The following LRBA variants were observed in gnomAD, a reference collection of about 807,000 sequenced individuals.
The protein encoded by LRBA is lipopolysaccharide-responsive and beige-like anchor protein.
A neutral mutation model predicts 330.0 loss-of-function variants in LRBA; 176 were observed. The ratio of observed to expected loss-of-function variants is 0.53; its 90% CI spans 0.47 to 0.60. The LOEUF (loss-of-function observed/expected upper bound fraction) is 0.60, where lower values mean the gene tolerates loss of function less well. Ranked by LOEUF, LRBA falls within the 20% of genes least tolerant of loss-of-function variation. LRBA has a pLI of 0.00. For missense variants in LRBA, 3,259 were observed against 3,444.8 expected (o/e 0.95, Z 1.35); for synonymous variants, 1,230 against 1,193.0 (o/e 1.03, Z -0.64).
chr4:150,899,835 T>C (rs1730527059), intron 14 of LRBA, among the ~76,000 whole-genome samples: 1 of 152,096 alleles, frequency 6.6e-6, no homozygotes, highest in African/African-American at 2.4e-5. Flanking sequence ...CCAGCACAAG[T>C]AGTATTCTTC....
At chr4:150,979,588 C>T (rs1193190575) in intron 2 of LRBA, among the ~76,000 whole-genome samples, 2 of 151,986 alleles carry the variant, frequency 1.3e-5, no homozygotes, top group African/African-American at 2.4e-5. Context: ...ACAGAAACAA[C>T]AAAAAGTTAA....
intron 36 of LRBA, among the ~76,000 whole-genome samples, chr4:150,718,852 G>C (rs756187706): frequency 1.3e-5 from 2 of 152,022 alleles, no homozygotes; most frequent in African/African-American, 4.8e-5. Flanking sequence ...CTATTCACAC[G>C]GTCTTTAGAA....
At chr4:150,326,700 C>T (rs1733312336) in intron 48 of LRBA, among the ~76,000 whole-genome samples, 1 of 152,134 alleles carries the variant, frequency 6.6e-6, no homozygotes, top group African/African-American at 2.4e-5. Flanking sequence ...AATACAAAAG[C>T]CATGAAAGCA....
chr4:150,599,917 C>T (rs1458278747), intron 37 of LRBA, among the ~76,000 whole-genome samples: 1 of 152,016 alleles, frequency 6.6e-6, no homozygotes, highest in Non-Finnish European at 1.5e-5. Context: ...TAATTAAAAA[C>T]TACATGCTAT....
chr4:150,426,747 A>G (rs1384829288), intron 46 of LRBA, among the ~76,000 whole-genome samples: 1 of 151,936 alleles, frequency 6.6e-6, no homozygotes, highest in East Asian at 1.9e-4. Context: ...TCAAAAATAT[A>G]TATGCCCACA....
At chr4:150,578,248 G>A (rs948890549) in intron 40 of LRBA, among the ~76,000 whole-genome samples, 1 of 152,108 alleles carries the variant, frequency 6.6e-6, no homozygotes, top group East Asian at 1.9e-4. Flanking sequence ...ATAAAACATT[G>A]TAAGGTTAGC....
At position 150,828,925 on chromosome 4, in the gene LRBA, GT is replaced by G. The variant is rs1560878380; in HGVS notation, c.4730-305del. ...AAAGTCTATAATCTTTTTTGGGGGTGTGTGTGTGTGTGTGTGTGTGTGTGTG... is the reference window on the plus strand; with the variant it reads ...AAAGTCTATAATCTTTTTTGGGGGTGGTGTGTGTGTGTGTGTGTGTGTGTG... On this transcript the variant is annotated intron_variant, in intron 29 of 56. Coordinates refer to ENST00000651943, the MANE Select transcript of LRBA (RefSeq NM_001364905.1). 6.8e-3 allele frequency among the ~76,000 whole-genome samples: 730 copies of G among 107,978 alleles called. 2 individuals are homozygous for G. The highest frequency in any genetic ancestry group is 0.022 in the African/African-American group (421 of 19,234). The allele number at this position is 107,978 out of a possible 152,430, so 70.8% of individuals were successfully genotyped here.
chr4:150,666,275 G>A (rs1255471095), intron 37 of LRBA, among the ~76,000 whole-genome samples: 2 of 152,168 alleles, frequency 1.3e-5, no homozygotes, highest in African/African-American at 4.8e-5. Flanking sequence ...GCTCACACCT[G>A]TAATCTCAGC....
At chr4:150,956,643 A>G (rs1254133534) in intron 2 of LRBA, among the ~76,000 whole-genome samples, 1 of 149,034 alleles carries the variant, frequency 6.7e-6, no homozygotes, top group Non-Finnish European at 1.5e-5. Flanking sequence ...ATACTAGCAA[A>G]CCAAATCCAG....
intron 37 of LRBA, chr4:150,679,670 T>C (rs1163164808): frequency 6.6e-6 from 1 of 152,108 alleles, no homozygotes; most frequent in African/African-American, 2.4e-5. Context: ...TAGAACACAC[T>C]CAAGCAATCT....
intron 2 of LRBA, among the ~76,000 whole-genome samples, chr4:151,003,889 G>C (rs1446133753): frequency 3.0e-5 from 1 of 33,506 alleles, no homozygotes; most frequent in African/African-American, 1.3e-4. Flanking sequence ...CAACTGCTGT[G>C]TGTGTGTGTG....
intron 47 of LRBA, among the ~76,000 whole-genome samples, chr4:150,394,845 G>A (rs570630953): frequency 1.7e-4 from 26 of 152,206 alleles, no homozygotes; most frequent in African/African-American, 5.8e-4. Flanking sequence ...GGGAGCAGGT[G>A]GTCTGTAGGG....
At chr4:150,419,052 A>G (rs1370364872) in intron 46 of LRBA, among the ~76,000 whole-genome samples, 2 of 152,158 alleles carry the variant, frequency 1.3e-5, no homozygotes, top group Non-Finnish European at 2.9e-5. Flanking sequence ...GGGTCACTAT[A>G]TGCCCATACA....
intron 37 of LRBA, among the ~76,000 whole-genome samples, chr4:150,677,716 A>G (rs991337546): frequency 2.6e-5 from 4 of 151,938 alleles, no homozygotes; most frequent in African/African-American, 9.7e-5. Flanking sequence ...AAGTGGGAGG[A>G]TTACTTGAGC....
At position 150,995,788 on chromosome 4, in the gene LRBA, ATTAT is replaced by A. The variant is rs926123178; in HGVS notation, c.216+18635_216+18638del. On this transcript the variant is annotated intron_variant, in intron 2 of 56. Coordinates refer to ENST00000651943, the MANE Select transcript of LRBA (RefSeq NM_001364905.1). ...TAGGTCACAAAATACCTCAATAAAT[ATTAT>A]TTATTATCCCATAATTTCTATTGGA... Among the ~76,000 whole-genome samples the A allele has an allele frequency of 9.2e-5, 14 of 152,106 alleles. No individual in the cohort carries two copies. The South Asian group carries it at 2.1e-3, about 22-fold the overall frequency.
intron 2 of LRBA, among the ~76,000 whole-genome samples, chr4:150,965,417 G>A (rs2149575265): frequency 6.6e-6 from 1 of 152,278 alleles, no homozygotes; most frequent in South Asian, 2.1e-4. Context: ...ATGAACAAGT[G>A]AAACATACAA....
intron 2 of LRBA, among the ~76,000 whole-genome samples, chr4:151,002,458 GGGA>G (rs1743483502): frequency 6.6e-6 from 1 of 151,634 alleles, no homozygotes; most frequent in Non-Finnish European, 1.5e-5. Context: ...CCAGCTACTT[GGGA>G]GGCTGAGGCA....
chr4:150,402,015 G>C (rs1340664778), intron 47 of LRBA, among the ~76,000 whole-genome samples: 1 of 151,916 alleles, frequency 6.6e-6, no homozygotes, highest in Non-Finnish European at 1.5e-5. Context: ...AATTCTGTGG[G>C]CACGGCGGCT....
chr4:150,487,537 C>T (rs1478763293), intron 42 of LRBA, among the ~76,000 whole-genome samples, 195 bp downstream of exon 42: 1 of 151,452 alleles, frequency 6.6e-6, no homozygotes, highest in South Asian at 2.1e-4. Context: ...TAAAACAGTA[C>T]ATTATAATGC....
Sources: allele counts gnomAD v4.1 joint callset (sites outside exome capture counted in the v4.1 genomes callset), GRCh38; gene constraint gnomAD v4.1.1; transcripts MANE v1.5; gene names NCBI Gene and HGNC (gene_info 2026-07-23, HGNC 2026-07-21).